CA10: variants seen among roughly 807,000 people sequenced by gnomAD.
The protein encoded by CA10 is carbonic anhydrase-related protein 10.
Under a neutral mutation model 44.2 loss-of-function variants are expected in CA10, and 14 were observed. That is an observed-to-expected ratio of 0.32 (90% confidence interval 0.21 to 0.50). CA10 has a LOEUF of 0.50. Among genes scored for constraint, CA10 ranks in the 20% least tolerant of loss-of-function variants. The pLI is 0.99. For synonymous variants in CA10, 159 were observed against 141.6 expected (o/e 1.12, Z -0.87); for missense variants, 350 against 409.7 (o/e 0.85, Z 1.26).
intron 1 of CA10, among the ~76,000 whole-genome samples, chr17:52,103,857 C>G (rs1398934237): frequency 1.3e-5 from 2 of 152,344 alleles, no homozygotes; most frequent in East Asian, 1.9e-4. Flanking sequence ...TGACTTCACA[C>G]TGGCATGGGC....
intron 4 of CA10, among the ~76,000 whole-genome samples, chr17:51,737,389 T>C (rs1320159241): frequency 6.6e-6 from 1 of 152,010 alleles, no homozygotes; most frequent in East Asian, 1.9e-4. Flanking sequence ...ATGTATCTTA[T>C]CTTCAGTTTG....
chr17:51,954,594 C>T (rs149537654), intron 2 of CA10, among the ~76,000 whole-genome samples: 170 of 152,302 alleles, frequency 1.1e-3, no homozygotes, highest in Non-Finnish European at 1.8e-3. Context: ...GATATCCTCA[C>T]TCCCAAACCA....
At chr17:52,144,776 C>T (rs779290816) in intron 1 of CA10, among the ~76,000 whole-genome samples, 7 of 152,254 alleles carry the variant, frequency 4.6e-5, no homozygotes, top group East Asian at 1.9e-4. Context: ...TTTTGCTCAA[C>T]GTGTCTTTTA....
At chr17:51,726,618 C>T (rs1916532098) in intron 4 of CA10, among the ~76,000 whole-genome samples, 1 of 152,286 alleles carries the variant, frequency 6.6e-6, no homozygotes, top group South Asian at 2.1e-4. Flanking sequence ...GTAGCATTAT[C>T]TGTCTATACT....
chr17:51,849,637 T>C (rs185765905), intron 3 of CA10, among the ~76,000 whole-genome samples: 61 of 152,318 alleles, frequency 4.0e-4, no homozygotes, highest in Admixed American at 3.5e-3. Flanking sequence ...AGTGAGATTA[T>C]AGATCTGCAA....
At chr17:51,775,706 G>T (rs138065891) in intron 3 of CA10, among the ~76,000 whole-genome samples, 7 of 152,298 alleles carry the variant, frequency 4.6e-5, no homozygotes, top group Non-Finnish European at 8.8e-5. Context: ...GATGCTGGGA[G>T]AATGTCTAAC....
intron 3 of CA10, among the ~76,000 whole-genome samples, chr17:51,810,648 A>G (rs185645519): frequency 2.3e-4 from 35 of 152,302 alleles, no homozygotes; most frequent in African/African-American, 8.2e-4. Flanking sequence ...AAGGAGATCA[A>G]TTGGAGAGTT....
chr17:52,139,971 C>T (rs1989441926), intron 1 of CA10, among the ~76,000 whole-genome samples: 1 of 151,988 alleles, frequency 6.6e-6, no homozygotes, highest in Non-Finnish European at 1.5e-5. Flanking sequence ...TTTCAAACAC[C>T]CCCACCACCA....
At chr17:51,899,434 TA>T (rs902540987) in intron 3 of CA10, among the ~76,000 whole-genome samples, 1 of 152,100 alleles carries the variant, frequency 6.6e-6, no homozygotes, top group African/African-American at 2.4e-5. Context: ...TGGTAACATA[TA>T]TTTTTTTGAA....
chr17:51,971,382 A>T (rs1984275190), intron 2 of CA10, among the ~76,000 whole-genome samples: 1 of 152,130 alleles, frequency 6.6e-6, no homozygotes. Context: ...GATTTTGTTT[A>T]AGTCTGTCCT....
At chr17:52,108,489 G>A (rs558183930) in intron 1 of CA10, among the ~76,000 whole-genome samples, 133 of 151,486 alleles carry the variant, frequency 8.8e-4, no homozygotes, top group African/African-American at 2.9e-3. Flanking sequence ...ACGAGGTCAG[G>A]AGTTCGAGAC....
At chr17:51,663,252 C>CT (rs773930169) in intron 4 of CA10, among the ~76,000 whole-genome samples, 150,856 of 150,904 alleles carry the variant, frequency 1, 75,404 homozygotes, top group Middle Eastern at 1. Context: ...TTCTCGATTC[C>CT]TTCCCCAGGC....
intron 5 of CA10, among the ~76,000 whole-genome samples, chr17:51,651,576 T>G (rs1319025723): frequency 6.6e-6 from 1 of 152,224 alleles, no homozygotes; most frequent in Non-Finnish European, 1.5e-5. Context: ...TTCAACAGCC[T>G]GTGGGCAAGC....
chr17:51,864,839 G>A (rs944374245), intron 3 of CA10, among the ~76,000 whole-genome samples: 1 of 152,198 alleles, frequency 6.6e-6, no homozygotes, highest in Non-Finnish European at 1.5e-5. Context: ...AGGCGTGCAG[G>A]TGGAGCTGTT....
intron 3 of CA10, among the ~76,000 whole-genome samples, chr17:51,926,340 A>G (rs1424748987): frequency 5.9e-5 from 9 of 152,216 alleles, no homozygotes; most frequent in Non-Finnish European, 2.9e-5. Context: ...GTTTCTGACT[A>G]TAATTTTACA....
At chr17:51,646,372 G>A (rs1913337464) in intron 6 of CA10, among the ~76,000 whole-genome samples, 1 of 152,132 alleles carries the variant, frequency 6.6e-6, no homozygotes, top group South Asian at 2.1e-4. Flanking sequence ...TTGCAGAGTG[G>A]ATACTGCATC....
At chr17:51,907,820 C>T (rs1213945296) in intron 3 of CA10, among the ~76,000 whole-genome samples, 2 of 152,142 alleles carry the variant, frequency 1.3e-5, no homozygotes, top group African/African-American at 2.4e-5. Context: ...TCCTTTTCCC[C>T]GCAGGACTTA....
chr17:52,111,414 C>T (rs1988787019), intron 1 of CA10, among the ~76,000 whole-genome samples: 1 of 152,202 alleles, frequency 6.6e-6, no homozygotes, highest in South Asian at 2.1e-4. Context: ...GACAGGTGCA[C>T]TTTTAAATAA....
intron 3 of CA10, among the ~76,000 whole-genome samples, chr17:51,862,455 C>T (rs562820554): frequency 2.6e-5 from 4 of 151,818 alleles, no homozygotes; most frequent in African/African-American, 4.8e-5. Flanking sequence ...ACCTTAGCAC[C>T]TTCTCCCACC....
Sources: gnomAD v4.1 joint callset for allele counts (sites outside exome capture counted in the v4.1 genomes callset) on GRCh38, gnomAD v4.1.1 for gene constraint, MANE v1.5 for transcripts, NCBI Gene and HGNC (gene_info 2026-07-23, HGNC 2026-07-21) for gene names.